The following TSPAN5 variants were observed in gnomAD, a reference collection of about 807,000 sequenced individuals.
TSPAN5 encodes the protein tetraspanin 5.
In TSPAN5, 10 loss-of-function variants were observed where a neutral mutation model predicts 37.1. The ratio of observed to expected loss-of-function variants is 0.27; its 90% CI spans 0.17 to 0.46. The LOEUF (loss-of-function observed/expected upper bound fraction) is 0.46, where lower values mean the gene tolerates loss of function less well. TSPAN5 is among the 20% of genes least tolerant of loss of function. TSPAN5 has a pLI of 1.00. For missense variants in TSPAN5, 195 were observed against 326.6 expected (o/e 0.60, Z 3.11); for synonymous variants, 110 against 118.9 (o/e 0.93, Z 0.48).
intron 1 of TSPAN5, among the ~76,000 whole-genome samples, chr4:98,530,946 G>A (rs946450889): frequency 2.6e-5 from 4 of 152,018 alleles, no homozygotes; most frequent in African/African-American, 7.2e-5. Flanking sequence ...TCACTATGTC[G>A]CCCAGGCTGG....
intron 1 of TSPAN5, among the ~76,000 whole-genome samples, chr4:98,580,501 G>A (rs1755343551): frequency 6.6e-6 from 1 of 152,200 alleles, no homozygotes; most frequent in Non-Finnish European, 1.5e-5. Context: ...CCTTCACAGG[G>A]AGGTGGGTGA....
intron 7 of TSPAN5, among the ~76,000 whole-genome samples, chr4:98,475,844 G>A (rs867756480): frequency 2.6e-5 from 4 of 151,958 alleles, no homozygotes; most frequent in Non-Finnish European, 5.9e-5. Flanking sequence ...AAAAAAATTA[G>A]CCGGGCGTAG....
At chr4:98,482,529 CTA>C (rs1178565373) in intron 3 of TSPAN5, 1 of 169,832 alleles carries the variant, frequency 5.9e-6, no homozygotes, top group Admixed American at 6.2e-5. Flanking sequence ...TGACCTGCCC[CTA>C]TCTCTAGTAA....
chr4:98,581,276 A>C (rs925709099), intron 1 of TSPAN5, among the ~76,000 whole-genome samples: 1 of 152,164 alleles, frequency 6.6e-6, no homozygotes, highest in South Asian at 2.1e-4. Context: ...CCAATTGAGG[A>C]CCGGTGGCTT....
intron 1 of TSPAN5, among the ~76,000 whole-genome samples, chr4:98,628,386 A>T (rs1283438199): frequency 6.6e-6 from 1 of 152,368 alleles, no homozygotes; most frequent in South Asian, 2.1e-4. Flanking sequence ...TGACAACAGG[A>T]GCATCTATAG....
At chr4:98,500,488 C>T (rs1201405003) in intron 2 of TSPAN5, among the ~76,000 whole-genome samples, 2 of 152,188 alleles carry the variant, frequency 1.3e-5, no homozygotes, top group Middle Eastern at 3.2e-3. Flanking sequence ...TCCAATCACC[C>T]CTAGAGAACC....
rs373968751 is a variant in TSPAN5, at chr4:98,570,011, G to T, written c.82-62283C>A. ...GTAAATATAGTAGGTTCTATGATGG[G>T]GATGTGCACAGAGTCCAAAGGGAAC... On this transcript the variant is annotated intron_variant, in intron 1 of 7. Coordinates refer to ENST00000305798, the MANE Select transcript of TSPAN5 (RefSeq NM_005723.4). Among the ~76,000 whole-genome samples, 29 of 152,246 alleles carry T rather than the reference G, an allele frequency of 1.9e-4. 1 individual carries two copies. In the East Asian group the frequency reaches 4.8e-3, roughly 25 times the overall value.
chr4:98,480,005 G>T (rs1752801098), intron 4 of TSPAN5, among the ~76,000 whole-genome samples: 1 of 151,900 alleles, frequency 6.6e-6, no homozygotes, highest in South Asian at 2.1e-4. Flanking sequence ...ATAAATTCTG[G>T]TATATCCAGT....
At chr4:98,609,766 C>G (rs1756136299) in intron 1 of TSPAN5, among the ~76,000 whole-genome samples, 1 of 152,136 alleles carries the variant, frequency 6.6e-6, no homozygotes, top group Admixed American at 6.5e-5. Flanking sequence ...TGTCCCTTAC[C>G]TAGGGAGGCA....
chr4:98,576,703 A>G (rs1311553444), intron 1 of TSPAN5, among the ~76,000 whole-genome samples: 1 of 152,190 alleles, frequency 6.6e-6, no homozygotes, highest in East Asian at 1.9e-4. Flanking sequence ...CCCTGTCTCA[A>G]AAAAAGGCCA....
intron 1 of TSPAN5, among the ~76,000 whole-genome samples, chr4:98,512,794 A>G (rs561792602): frequency 1.3e-5 from 2 of 152,340 alleles, no homozygotes; most frequent in African/African-American, 2.4e-5. Flanking sequence ...TTGAGTTCCT[A>G]TTTTGTACTA....
intron 3 of TSPAN5, chr4:98,485,373 G>C (rs959021377): frequency 6.6e-6 from 1 of 152,226 alleles, no homozygotes; most frequent in African/African-American, 2.4e-5. Context: ...GTGTATGAGA[G>C]AGGGAGGGAG....
chr4:98,545,532 A>T (rs1225704943), intron 1 of TSPAN5, among the ~76,000 whole-genome samples: 1 of 151,948 alleles, frequency 6.6e-6, no homozygotes, highest in African/African-American at 2.4e-5. Context: ...TCTACACATA[A>T]GACTTTTTTT....
At chr4:98,628,722 A>G (rs944002248) in intron 1 of TSPAN5, among the ~76,000 whole-genome samples, 1 of 152,190 alleles carries the variant, frequency 6.6e-6, no homozygotes, top group Admixed American at 6.5e-5. Context: ...GGTCCTTCTA[A>G]GCATAGGAAT....
At chr4:98,512,933 A>G (rs1044262403) in intron 1 of TSPAN5, among the ~76,000 whole-genome samples, 1 of 152,200 alleles carries the variant, frequency 6.6e-6, no homozygotes, top group Non-Finnish European at 1.5e-5. Flanking sequence ...AATCATTCCT[A>G]ATGGTGCTAC....
At chr4:98,559,098 T>G (rs1754819555) in intron 1 of TSPAN5, among the ~76,000 whole-genome samples, 1 of 151,718 alleles carries the variant, frequency 6.6e-6, no homozygotes, top group Admixed American at 6.6e-5. Context: ...TATAATGCAG[T>G]AAAACACCGT....
intron 1 of TSPAN5, among the ~76,000 whole-genome samples, chr4:98,642,717 G>C (rs984383659): frequency 4.6e-5 from 7 of 152,014 alleles, no homozygotes; most frequent in African/African-American, 1.7e-4. Context: ...CTATTGTCTA[G>C]TGATGTATTG....
chr4:98,486,114 C>A (rs1434840755), intron 3 of TSPAN5, among the ~76,000 whole-genome samples: 12 of 152,198 alleles, frequency 7.9e-5, no homozygotes, highest in African/African-American at 2.7e-4. Context: ...CAAAGGCTTT[C>A]ACTTTTCATT....
intron 1 of TSPAN5, among the ~76,000 whole-genome samples, chr4:98,630,192 G>C (rs1213719090): frequency 6.6e-6 from 1 of 152,156 alleles, no homozygotes; most frequent in Non-Finnish European, 1.5e-5. Flanking sequence ...CCCAGGGTAG[G>C]CTGCAAGGGT....
Sources: allele counts gnomAD v4.1 joint callset (sites outside exome capture counted in the v4.1 genomes callset), GRCh38; gene constraint gnomAD v4.1.1; transcripts MANE v1.5; gene names NCBI Gene and HGNC (gene_info 2026-07-23, HGNC 2026-07-21).